The following CDK14 variants were observed in gnomAD, a reference collection of about 807,000 sequenced individuals.
The protein encoded by CDK14 is cyclin dependent kinase 14, also known as cyclin-dependent kinase 14.
Under a neutral mutation model 60.7 loss-of-function variants are expected in CDK14, and 34 were observed. The ratio of observed to expected loss-of-function variants is 0.56; its 90% CI spans 0.43 to 0.75. The LOEUF is 0.75. Ranked by LOEUF, CDK14 falls within the 30% of genes least tolerant of loss-of-function variation. The probability of loss-of-function intolerance (pLI) is 0.00; values close to 1 mark genes in which losing one functional copy is unlikely to be tolerated. For synonymous variants in CDK14, 197 were observed against 203.7 expected, an observed-to-expected ratio of 0.97 and a Z score of 0.28; for missense variants, 482 against 564.1, an observed-to-expected ratio of 0.85 and a Z score of 1.47.
At chr7:90,887,309 A>G (rs975435517) in intron 6 of CDK14, among the ~76,000 whole-genome samples, 1 of 152,124 alleles carries the variant, frequency 6.6e-6, no homozygotes, top group Admixed American at 6.5e-5. Flanking sequence ...CTTTATATAC[A>G]CTATATTGAA....
chr7:90,829,968 G>A (rs577815040), intron 5 of CDK14, among the ~76,000 whole-genome samples: 2 of 152,216 alleles, frequency 1.3e-5, no homozygotes, highest in African/African-American at 4.8e-5. Context: ...AGCCCCCATT[G>A]CTGCCTTCAC....
intron 4 of CDK14, among the ~76,000 whole-genome samples, chr7:90,786,728 G>A (rs1294162617): frequency 6.7e-6 from 1 of 150,124 alleles, no homozygotes; most frequent in Admixed American, 6.7e-5. Context: ...ACTATCCTGG[G>A]CAACATAGTG....
chr7:90,862,657 A>C (rs146182526), intron 5 of CDK14, among the ~76,000 whole-genome samples: 268 of 152,300 alleles, frequency 1.8e-3, no homozygotes, highest in African/African-American at 5.9e-3. Context: ...ACTATTAAAT[A>C]ATAGGATCAA....
chr7:90,951,535 AATG>A (rs765411503), intron 8 of CDK14, among the ~76,000 whole-genome samples: 5 of 152,194 alleles, frequency 3.3e-5, no homozygotes, highest in Non-Finnish European at 5.9e-5. Flanking sequence ...AAGGAATGGG[AATG>A]ATCATTTCTG....
intron 14 of CDK14, among the ~76,000 whole-genome samples, chr7:91,199,893 T>C (rs1399725384): frequency 6.6e-6 from 1 of 152,220 alleles, no homozygotes; most frequent in Non-Finnish European, 1.5e-5. Context: ...TTTTAATTAA[T>C]ATTCTCTTGC....
intron 2 of CDK14, among the ~76,000 whole-genome samples, chr7:90,696,968 A>G (rs1425838900): frequency 1.3e-5 from 2 of 152,226 alleles, no homozygotes; most frequent in African/African-American, 4.8e-5. Context: ...TGAGAGGTTC[A>G]GATGAGGTCT....
chr7:90,935,127 A>G (rs1265512057), intron 8 of CDK14, among the ~76,000 whole-genome samples: 1 of 152,198 alleles, frequency 6.6e-6, no homozygotes, highest in Non-Finnish European at 1.5e-5. Context: ...CAAGAAAGAG[A>G]GACAAAAGAG....
intron 3 of CDK14, among the ~76,000 whole-genome samples, chr7:90,743,352 T>C (rs1308651181): frequency 1.3e-5 from 2 of 152,166 alleles, no homozygotes; most frequent in Non-Finnish European, 2.9e-5. Context: ...ATTATAGTCT[T>C]AATTTCTAAT....
At chr7:91,061,275 A>G (rs376907789) in intron 11 of CDK14, among the ~76,000 whole-genome samples, 2 of 152,168 alleles carry the variant, frequency 1.3e-5, no homozygotes, top group East Asian at 1.9e-4. Context: ...ACTTCTCTGC[A>G]TTGGTTATTC....
At chr7:90,711,879 A>T (rs1161559161) in intron 2 of CDK14, among the ~76,000 whole-genome samples, 1 of 72,312 alleles carries the variant, frequency 1.4e-5, no homozygotes, top group African/African-American at 5.5e-5. Flanking sequence ...CTTATAGTCT[A>T]CTATGTTTTT....
chr7:91,134,066 G>A (rs1005269334), intron 14 of CDK14, among the ~76,000 whole-genome samples: 1 of 152,076 alleles, frequency 6.6e-6, no homozygotes, highest in African/African-American at 2.4e-5. Context: ...TTGGGACTCC[G>A]GATTCTCCAC....
At chr7:91,177,990 C>T (rs1801836232) in intron 14 of CDK14, among the ~76,000 whole-genome samples, 1 of 126,852 alleles carries the variant, frequency 7.9e-6, no homozygotes, top group Non-Finnish European at 1.7e-5. Flanking sequence ...CAAAAAAGAG[C>T]CCGCATCACC....
At position 90,792,826 on chromosome 7, in the gene CDK14, T is replaced by C. The variant is rs576888222; in HGVS notation, c.544+2174T>C. Among the ~76,000 whole-genome samples the C allele has an allele frequency of 1.0e-4, 14 of 133,520 alleles. 1 individual carries two copies. The South Asian group carries it at 2.5e-3, about 24-fold the overall frequency. The allele number at this position is 133,520 out of a possible 152,430, so 87.6% of individuals were successfully genotyped here. ...GTCAATCCCCTTATTTAAAATTGCT[T>C]CAAGTCCTATATGACTGATTTTCTT... On this transcript the variant is annotated intron_variant, in intron 5 of 14. Coordinates refer to ENST00000380050, the MANE Select transcript of CDK14 (RefSeq NM_001287135.2).
At chr7:90,838,254 T>A (rs929675223) in intron 5 of CDK14, among the ~76,000 whole-genome samples, 3 of 152,350 alleles carry the variant, frequency 2.0e-5, no homozygotes, top group Non-Finnish European at 4.4e-5. Flanking sequence ...CCAAAATTAA[T>A]ACTTTTATAA....
intron 14 of CDK14, among the ~76,000 whole-genome samples, chr7:91,156,896 A>G (rs900819239): frequency 6.5e-4 from 99 of 152,308 alleles, no homozygotes; most frequent in African/African-American, 2.2e-3. Flanking sequence ...GGGGGTTTGA[A>G]ATGCCATTTT....
intron 4 of CDK14, among the ~76,000 whole-genome samples, chr7:90,774,337 C>A (rs909757057): frequency 6.6e-6 from 1 of 152,092 alleles, no homozygotes; most frequent in East Asian, 1.9e-4. Context: ...TCTTTTTCAA[C>A]TTTATATTTA....
intron 12 of CDK14, among the ~76,000 whole-genome samples, chr7:91,102,737 A>G (rs1270260609): frequency 1.3e-5 from 2 of 152,154 alleles, no homozygotes; most frequent in African/African-American, 4.8e-5. Context: ...TCAGAAAAAA[A>G]AAAAAGAAAA....
rs185145325 is a variant in CDK14 at position 91,178,620 on chromosome 7, A to G, written c.*29-28545A>G. 3.3e-4 allele frequency among the ~76,000 whole-genome samples: 50 copies of G among 152,300 alleles called. No homozygotes were observed. The East Asian group carries it at 8.1e-3, about 25-fold the overall frequency. On this transcript the variant is annotated intron_variant, in intron 14 of 14. Transcript: ENST00000380050. The stretch of plus-strand genomic sequence containing the variant: ...AAACTCAAACAAATTTACAGGAAAA[A>G]AACAACCCCATCAAAAGGTGGGCGA...
intron 12 of CDK14, among the ~76,000 whole-genome samples, chr7:91,079,908 G>A (rs945451427): frequency 2.0e-5 from 3 of 152,106 alleles, no homozygotes; most frequent in Admixed American, 2.0e-4. Flanking sequence ...GCCTTATTGG[G>A]AAGCTAAATG....
Sources: allele counts gnomAD v4.1 joint callset (sites outside exome capture counted in the v4.1 genomes callset), GRCh38; gene constraint gnomAD v4.1.1; transcripts MANE v1.5; gene names NCBI Gene and HGNC (gene_info 2026-07-23, HGNC 2026-07-21).